Variants in BNC2 observed in about 807,000 individuals in gnomAD.
BNC2 encodes the protein zinc finger protein basonuclin-2.
In BNC2, 20 loss-of-function variants were observed where a neutral mutation model predicts 76.3. The ratio of observed to expected loss-of-function variants is 0.26; its 90% CI spans 0.18 to 0.38. The LOEUF is 0.38. Ranked by LOEUF, BNC2 falls within the 10% of genes least tolerant of loss-of-function variation. The probability of loss-of-function intolerance (pLI) is 1.00; values close to 1 mark genes in which losing one functional copy is unlikely to be tolerated. For missense variants in BNC2, 1,382 were observed against 1,399.8 expected, an observed-to-expected ratio of 0.99 and a Z score of 0.20; for synonymous variants, 582 against 514.8, an observed-to-expected ratio of 1.13 and a Z score of -1.77.
chr9:16,575,308 A>C, intron 4 of BNC2: 1 of 985,372 alleles, frequency 1.0e-6, no homozygotes, highest in Non-Finnish European at 1.2e-6. Flanking sequence ...TTTCATTCTC[A>C]ACACCCTCCC....
At chr9:16,515,437 T>C (rs779886488) in intron 5 of BNC2, among the ~76,000 whole-genome samples, 2 of 152,160 alleles carry the variant, frequency 1.3e-5, no homozygotes, top group Non-Finnish European at 2.9e-5. Context: ...GGCTGGTGAA[T>C]GCACCCGGCA....
At chr9:16,839,600 T>C (rs1228359631) in intron 1 of BNC2, among the ~76,000 whole-genome samples, 1 of 152,168 alleles carries the variant, frequency 6.6e-6, no homozygotes, top group African/African-American at 2.4e-5. Flanking sequence ...CGCTGCGCAC[T>C]CTCTAGCTCT....
intron 1 of BNC2, among the ~76,000 whole-genome samples, chr9:16,808,362 G>C (rs1030720246): frequency 6.6e-6 from 1 of 151,652 alleles, no homozygotes; most frequent in Non-Finnish European, 1.5e-5. Context: ...CCCATTAGAA[G>C]GATCCCTCAA....
In BNC2 at chr9:16,468,323, G is replaced by A. The variant is rs1821739475; in HGVS notation, c.670-30799C>T. On this transcript the variant is annotated intron_variant, in intron 5 of 6. Coordinates refer to ENST00000380672, the MANE Select transcript of BNC2 (RefSeq NM_017637.6). The stretch of plus-strand genomic sequence containing the variant: ...CGCTACTAGAGTTACAATAACAATA[G>A]CTAATATGTTTTGAACATTTGTTTT... 2.0e-5 allele frequency among the ~76,000 whole-genome samples: 3 copies of A among 152,062 alleles called. 1 individual carries two copies. In the South Asian group the frequency reaches 6.2e-4, roughly 32 times the overall value.
chr9:16,414,952 T>C lies in BNC2; in HGVS notation c.*4037A>G, dbSNP rs1220116418. 1 of 148,574 alleles carries C rather than the reference T, an allele frequency of 6.7e-6. No individual in the cohort carries two copies. The highest frequency in any genetic ancestry group is 2.0e-4 in the East Asian group (1 of 5,072). The allele number at this position is 148,574 out of a possible 1,614,324, so 9.2% of individuals were successfully genotyped here. Reference sequence around the variant, plus strand: ...TTTTTTTTTTCCTTAGAGCAATGTATAATAATGGGGCTGTTAACCAGTTAA... The same window carrying C: ...TTTTTTTTTTCCTTAGAGCAATGTACAATAATGGGGCTGTTAACCAGTTAA... On this transcript the variant is annotated 3_prime_UTR_variant, in exon 7 of 7. Coordinates refer to ENST00000380672, the MANE Select transcript of BNC2 (RefSeq NM_017637.6).
intron 1 of BNC2, among the ~76,000 whole-genome samples, chr9:16,787,478 A>G (rs1826327843): frequency 6.6e-6 from 1 of 152,208 alleles, no homozygotes; most frequent in South Asian, 2.1e-4. Flanking sequence ...TCACTGGGCA[A>G]GTTACTTGAC....
intron 5 of BNC2, among the ~76,000 whole-genome samples, chr9:16,468,321 T>C (rs1388137765): frequency 1.3e-5 from 2 of 152,130 alleles, no homozygotes; most frequent in African/African-American, 2.4e-5. Context: ...ACAATAACAA[T>C]AGCTAATATG....
rs941733904 is a variant in BNC2 at position 16,753,308 on chromosome 9, G to C, written c.4-14823C>G. Reference sequence around the variant, plus strand: ...CAAATTCCAGTGAAAATGTGCCACAGCTGGCAGAATAAATTACTGCAATAA... The same window carrying C: ...CAAATTCCAGTGAAAATGTGCCACACCTGGCAGAATAAATTACTGCAATAA... On this transcript the variant is annotated intron_variant, in intron 1 of 6. Coordinates refer to ENST00000380672, the MANE Select transcript of BNC2 (RefSeq NM_017637.6). 2.6e-5 allele frequency among the ~76,000 whole-genome samples: 4 copies of C among 152,158 alleles called. No homozygotes were observed. The East Asian group carries it at 5.8e-4, about 22-fold the overall frequency.
chr9:16,478,201 C>T (rs1015222033), intron 5 of BNC2, among the ~76,000 whole-genome samples: 26 of 152,156 alleles, frequency 1.7e-4, no homozygotes, highest in Non-Finnish European at 2.5e-4. Flanking sequence ...TCCTGGTCCA[C>T]GTGGAAGCCC....
intron 5 of BNC2, among the ~76,000 whole-genome samples, chr9:16,549,018 T>C (rs1818575334): frequency 6.6e-6 from 1 of 152,248 alleles, no homozygotes; most frequent in Non-Finnish European, 1.5e-5. Context: ...TTGACCGATG[T>C]GCCAGCCTTT....
chr9:16,643,029 A>G (rs1047162187), intron 3 of BNC2, among the ~76,000 whole-genome samples: 2 of 152,192 alleles, frequency 1.3e-5, no homozygotes, highest in South Asian at 2.1e-4. Context: ...TGCCAGGCCA[A>G]CAGTAAGTGC....
At chr9:16,854,197 G>A (rs143513307) in intron 1 of BNC2, among the ~76,000 whole-genome samples, 3 of 152,208 alleles carry the variant, frequency 2.0e-5, no homozygotes, top group East Asian at 3.9e-4. Context: ...AGATTGAAAG[G>A]TAAAAAAATG....
intron 3 of BNC2, among the ~76,000 whole-genome samples, chr9:16,617,339 A>G (rs1165052720): frequency 6.6e-6 from 1 of 152,186 alleles, no homozygotes; most frequent in African/African-American, 2.4e-5. Context: ...TGAAAACATC[A>G]TTCTATGACA....
intron 3 of BNC2, among the ~76,000 whole-genome samples, chr9:16,647,689 T>G (rs1429493436): frequency 3.3e-5 from 5 of 152,104 alleles, no homozygotes; most frequent in Admixed American, 6.6e-5. Context: ...TTCAACAGAA[T>G]TTTTCAAGTA....
chr9:16,476,756 T>C (rs1054738375), intron 5 of BNC2, among the ~76,000 whole-genome samples: 5 of 152,168 alleles, frequency 3.3e-5, no homozygotes, highest in African/African-American at 1.2e-4. Context: ...TCTACTGTGA[T>C]CCAATGGTCT....
intron 3 of BNC2, among the ~76,000 whole-genome samples, chr9:16,720,062 C>A (rs1277047596): frequency 1.3e-5 from 2 of 152,200 alleles, no homozygotes; most frequent in African/African-American, 4.8e-5. Flanking sequence ...TGCCTTTCAG[C>A]ACCTCTGAAT....
At chr9:16,446,144 A>G (rs1474517387) in intron 5 of BNC2, among the ~76,000 whole-genome samples, 1 of 152,202 alleles carries the variant, frequency 6.6e-6, no homozygotes, top group Non-Finnish European at 1.5e-5. Context: ...ATGTGCATGT[A>G]CACAAACACA....
At chr9:16,565,718 G>T (rs921578438) in intron 4 of BNC2, among the ~76,000 whole-genome samples, 1 of 151,886 alleles carries the variant, frequency 6.6e-6, no homozygotes, top group African/African-American at 2.4e-5. Context: ...TGAGATGGGA[G>T]GATCACTTGA....
intron 1 of BNC2, among the ~76,000 whole-genome samples, chr9:16,806,196 C>G (rs1817905544): frequency 6.6e-6 from 1 of 151,992 alleles, no homozygotes; most frequent in Non-Finnish European, 1.5e-5. Context: ...AGAAAATAGG[C>G]CAGGCACAGT....
Sources: gnomAD v4.1 joint callset for allele counts (sites outside exome capture counted in the v4.1 genomes callset) on GRCh38, gnomAD v4.1.1 for gene constraint, MANE v1.5 for transcripts, NCBI Gene and HGNC (gene_info 2026-07-23, HGNC 2026-07-21) for gene names.